Variants in OPRM1 observed in about 807,000 individuals in gnomAD.
OPRM1 encodes opioid receptor mu 1, also known as mu-type opioid receptor.
A neutral mutation model predicts 31.8 loss-of-function variants in OPRM1; 27 were observed. The ratio of observed to expected loss-of-function variants is 0.85; its 90% CI spans 0.63 to 1.17. OPRM1 has a LOEUF of 1.17. OPRM1 is among the 50% of genes most tolerant of loss of function. The pLI, the probability that OPRM1 is intolerant of heterozygous loss-of-function variation, is 0.00. For missense variants in OPRM1, 536 were observed against 511.1 expected (o/e 1.05, Z -0.47); for synonymous variants, 196 against 189.9 (o/e 1.03, Z -0.26).
At chr6:154,019,579 A>G (rs1278130859) in intron 1 of OPRM1, among the ~76,000 whole-genome samples, 1 of 151,502 alleles carries the variant, frequency 6.6e-6, no homozygotes, top group Non-Finnish European at 1.5e-5. Flanking sequence ...ATCTCTCACA[A>G]CCATTGACTT....
At chr6:154,074,094 T>A (rs927363617) in intron 1 of OPRM1, 1 of 152,200 alleles carries the variant, frequency 6.6e-6, no homozygotes, top group Non-Finnish European at 1.5e-5. Context: ...TAATAAGAGA[T>A]GGTTATTAAC....
chr6:154,223,401 C>T (rs1273679305), intron 3 of OPRM1, among the ~76,000 whole-genome samples: 1 of 152,208 alleles, frequency 6.6e-6, no homozygotes, highest in Non-Finnish European at 1.5e-5. Flanking sequence ...CCCAGATACA[C>T]AGCTCATGAG....
chr6:154,097,266 T>G (rs868834027), intron 3 of OPRM1, among the ~76,000 whole-genome samples: 1 of 152,228 alleles, frequency 6.6e-6, no homozygotes, highest in Non-Finnish European at 1.5e-5. Context: ...CTTGACATTT[T>G]AATCAAAATA....
chr6:154,110,520 T>G, intron 3 of OPRM1: 1 of 728,880 alleles, frequency 1.4e-6, no homozygotes. Context: ...ATCCCATGGC[T>G]TAAGGGTTGC....
chr6:154,214,291 G>A, intron 3 of OPRM1: 1 of 1,593,210 alleles, frequency 6.3e-7, no homozygotes. Context: ...AATTCAAATA[G>A]AAAGCAAATG....
At chr6:154,184,412 G>C (rs948744206) in intron 3 of OPRM1, among the ~76,000 whole-genome samples, 2 of 152,020 alleles carry the variant, frequency 1.3e-5, no homozygotes, top group African/African-American at 4.8e-5. Flanking sequence ...TAACAAGGTA[G>C]AGCTGCATGT....
At chr6:154,039,198 A>G, upstream of OPRM1, 2 of 1,551,028 alleles carry the variant, frequency 1.3e-6, no homozygotes, top group Non-Finnish European at 1.7e-6. Context: ...GAAGAGACCT[A>G]CTCCTTGGAT....
rs984948974 is a variant in OPRM1 at position 154,039,665 on chromosome 6, C to T, written c.121C>T (p.Leu41=). The T allele has an allele frequency of 9.3e-6, 15 of 1,613,992 alleles. No individual in the cohort carries two copies. The highest frequency in any genetic ancestry group is 1.2e-5 in the Non-Finnish European group (14 of 1,179,864). The change falls in exon 1 of 4, where the codon CTG becomes TTG. Residue 41 remains leucine, a synonymous_variant. Coordinates refer to ENST00000330432, the MANE Select transcript of OPRM1 (RefSeq NM_000914.5). ...WVNLSHLDGN[L]SDPCGPNRTD... ...CAACTTGTCCCACTTAGATGGCAAC[C>T]TGTCCGACCCATGCGGTCCGAACCG...
intron 1 of OPRM1, among the ~76,000 whole-genome samples, chr6:154,076,742 C>A (rs983901149): frequency 6.6e-6 from 1 of 152,188 alleles, no homozygotes; most frequent in African/African-American, 2.4e-5. Context: ...CAAATGAGCA[C>A]CTAATACTGC....
downstream of OPRM1, among the ~76,000 whole-genome samples, chr6:154,133,357 G>A (rs972393567): frequency 6.6e-6 from 1 of 152,108 alleles, no homozygotes; most frequent in Non-Finnish European, 1.5e-5. Context: ...AACGATTAAA[G>A]TCCGATCCCT....
rs1011481392 is a variant in OPRM1, at chr6:154,121,079, G to T, written c.*2358G>T. Among the ~76,000 whole-genome samples the T allele has an allele frequency of 1.3e-5, 2 of 152,152 alleles. No homozygotes were observed. The highest frequency in any genetic ancestry group is 6.5e-5 in the Admixed American group (1 of 15,270). On this transcript the variant is annotated 3_prime_UTR_variant, in exon 4 of 4. Transcript: ENST00000330432. ...TTACAACCCTGACTCAACTGGATGG[G>T]CTAAGGTTTCTGATAAAATCTGAAG...
intron 3 of OPRM1, among the ~76,000 whole-genome samples, chr6:154,151,746 G>A (rs1798504599): frequency 1.3e-5 from 2 of 152,090 alleles, no homozygotes; most frequent in African/African-American, 2.4e-5. Flanking sequence ...TAGAACTGCC[G>A]AGGTATGCTC....
chr6:154,160,111 A>G, intron 3 of OPRM1: 2 of 1,204,834 alleles, frequency 1.7e-6, no homozygotes, highest in Non-Finnish European at 1.2e-6. Flanking sequence ...CATCTTTACC[A>G]ACTCTTTTAC....
intron 3 of OPRM1, among the ~76,000 whole-genome samples, chr6:154,185,626 C>A (rs1449108438): frequency 6.6e-6 from 1 of 152,160 alleles, no homozygotes; most frequent in Non-Finnish European, 1.5e-5. Context: ...GTATCAAGTT[C>A]TATATTATGA....
At chr6:154,178,932 C>A (rs1215924819) in intron 3 of OPRM1, among the ~76,000 whole-genome samples, 5 of 152,168 alleles carry the variant, frequency 3.3e-5, no homozygotes, top group Non-Finnish European at 1.5e-5. Flanking sequence ...ATAATAAATT[C>A]TGGTGTTAGG....
At chr6:154,174,567 G>A (rs1800149968) in intron 3 of OPRM1, among the ~76,000 whole-genome samples, 1 of 152,098 alleles carries the variant, frequency 6.6e-6, no homozygotes, top group African/African-American at 2.4e-5. Context: ...GATCAAAAGA[G>A]ACAAAGAAGG....
At chr6:154,214,136 G>T in intron 3 of OPRM1, 1 of 906,064 alleles carries the variant, frequency 1.1e-6, no homozygotes, top group Non-Finnish European at 1.9e-6. Context: ...ACTATACATA[G>T]AACTTGACAT....
At position 154,130,262 on chromosome 6, in the gene OPRM1, G is replaced by A. The variant is rs506320; in HGVS notation, c.*11541G>A. On this transcript the variant is annotated 3_prime_UTR_variant, in exon 4 of 4. Transcript: ENST00000330432. Reference sequence around the variant, plus strand: ...TGGCTCACTGCAACCTCTGCCTCCCGGGTTCACACCATTCTCCTGCTTCAG... The same window carrying A: ...TGGCTCACTGCAACCTCTGCCTCCCAGGTTCACACCATTCTCCTGCTTCAG... Among the ~76,000 whole-genome samples the A allele has an allele frequency of 0.17, 26,083 of 149,640 alleles. 2,730 individuals carry two copies. The highest frequency in any genetic ancestry group is 0.24 in the Non-Finnish European group (16,222 of 67,586).
At chr6:154,160,079 G>A (rs763016051) in intron 3 of OPRM1, 1 of 1,473,156 alleles carries the variant, frequency 6.8e-7, no homozygotes, top group South Asian at 1.2e-5. Context: ...GGTATGTTGA[G>A]AGTGTCTTAA....
Sources: gnomAD v4.1 joint callset for allele counts (sites outside exome capture counted in the v4.1 genomes callset) on GRCh38, gnomAD v4.1.1 for gene constraint, MANE v1.5 for transcripts, NCBI Gene and HGNC (gene_info 2026-07-23, HGNC 2026-07-21) for gene names.